AMBRA1: variants seen among roughly 807,000 people sequenced by gnomAD.
The protein encoded by AMBRA1 is autophagy and beclin 1 regulator 1.
A neutral mutation model predicts 125.4 loss-of-function variants in AMBRA1; 47 were observed. The observed-to-expected ratio is 0.37, with a 90% CI of 0.30 to 0.48. AMBRA1 has a LOEUF of 0.48. Among genes scored for constraint, AMBRA1 ranks in the 20% least tolerant of loss-of-function variants. The pLI, the probability that AMBRA1 is intolerant of heterozygous loss-of-function variation, is 0.99. For synonymous variants in AMBRA1, 626 were observed against 655.5 expected (o/e 0.95, Z 0.69); for missense variants, 1,331 against 1,693.4 (o/e 0.79, Z 3.76).
chr11:46,462,165 AG>A (rs1949120589), intron 11 of AMBRA1, among the ~76,000 whole-genome samples: 5 of 151,762 alleles, frequency 3.3e-5, no homozygotes, highest in African/African-American at 1.2e-4. Context: ...TGCATCTCCC[AG>A]AAAACCCTGG....
intron 6 of AMBRA1, among the ~76,000 whole-genome samples, 154 bp from the exon 7 acceptor site, chr11:46,543,552 G>A (rs1468653407): frequency 2.0e-5 from 3 of 152,146 alleles, no homozygotes; most frequent in East Asian, 3.8e-4. Context: ...ACTGACAACT[G>A]GCCTCAGATT....
rs570879237 is a variant in AMBRA1 at position 46,529,829 on chromosome 11, A to T, written c.2072+12116T>A. On this transcript the variant is annotated intron_variant, in intron 7 of 17. Transcript: ENST00000683756. ...ATTTTGCAATATCTTGGTTAATGTA[A>T]CAATAGGCCCACCCATGAAAGCAAA... is the stretch of plus-strand genomic sequence containing the variant. Among the ~76,000 whole-genome samples, 51 of 152,232 alleles carry T rather than the reference A, an allele frequency of 3.4e-4. 1 individual carries two copies. The highest frequency in any genetic ancestry group is 6.9e-4 in the Non-Finnish European group (47 of 68,044).
At chr11:46,545,880 G>A (rs1952992160) in intron 4 of AMBRA1, 104 bp from the exon 5 acceptor site, 5 of 1,087,352 alleles carry the variant, frequency 4.6e-6, no homozygotes, top group Non-Finnish European at 6.6e-6. Flanking sequence ...CTATGTCTAG[G>A]GACTACTTTA....
chr11:46,462,398 T>C (rs61882712), intron 11 of AMBRA1, among the ~76,000 whole-genome samples: 21,045 of 152,188 alleles, frequency 0.14, 1,544 homozygotes, highest in Non-Finnish European at 0.17. Flanking sequence ...TCTTCCTCTT[T>C]ACTCTCCTCA....
chr11:46,486,344 C>T (rs1950265320), intron 11 of AMBRA1, among the ~76,000 whole-genome samples: 1 of 152,166 alleles, frequency 6.6e-6, no homozygotes, highest in African/African-American at 2.4e-5. Flanking sequence ...ATCACGATGG[C>T]CCTTAACTGC....
At position 46,543,069 on chromosome 11, in the gene AMBRA1, G is replaced by A; in HGVS notation, c.948C>T (p.Gly316=). The A allele has an allele frequency of 1.3e-6, 2 of 1,596,982 alleles. No homozygotes were observed. Among genetic ancestry groups the A allele is most frequent in the Non-Finnish European group, 1.7e-6 (2 of 1,178,798 alleles). Residue 316 remains glycine (G), a synonymous_variant, in exon 7 of 18, where the codon GGC becomes GGT. Coordinates refer to ENST00000683756, the MANE Select transcript of AMBRA1 (RefSeq NM_001387011.1). ...GILCLCSRCS[G]TRVPSLLPHQ... ...GTGGCAAGAGGGAAGGAACTCGAGT[G>A]CCAGAGCAGCGGCTGCAAAGGCACA...
At position 46,580,025 on chromosome 11, in the gene AMBRA1, T is replaced by C. The variant is rs116483398; in HGVS notation, c.-121+13803A>G. ...ACCACGCCCAGCCTACACATGTCAA[T>C]AATCAAAATACACAGACCATCTCCA... On this transcript the variant is annotated intron_variant, in intron 1 of 17. Transcript: ENST00000683756. 4.2e-3 allele frequency among the ~76,000 whole-genome samples: 638 copies of C among 152,318 alleles called. 3 individuals are homozygous for C. Among genetic ancestry groups the C allele is most frequent in the African/African-American group, 0.013 (536 of 41,566 alleles).
intron 11 of AMBRA1, among the ~76,000 whole-genome samples, chr11:46,474,837 C>T (rs2136895945): frequency 6.6e-6 from 1 of 152,132 alleles, no homozygotes; most frequent in Admixed American, 6.5e-5. Flanking sequence ...TCACTGAGGG[C>T]AGCTAACCCA....
intron 1 of AMBRA1, among the ~76,000 whole-genome samples, chr11:46,553,890 T>A (rs960947466): frequency 7.9e-5 from 12 of 152,146 alleles, no homozygotes; most frequent in African/African-American, 2.9e-4. Flanking sequence ...TGCATAAATA[T>A]GTACTGAAAA....
chr11:46,570,764 A>T (rs1354160055), intron 1 of AMBRA1, among the ~76,000 whole-genome samples: 1 of 152,168 alleles, frequency 6.6e-6, no homozygotes, highest in Non-Finnish European at 1.5e-5. Context: ...CAACAGAAAA[A>T]ATTCAAGACA....
intron 9 of AMBRA1, among the ~76,000 whole-genome samples, chr11:46,500,845 C>G (rs1389569750): frequency 6.6e-6 from 1 of 152,236 alleles, no homozygotes; most frequent in Non-Finnish European, 1.5e-5. Flanking sequence ...AATACTCTCT[C>G]CCTTTATACA....
intron 14 of AMBRA1, among the ~76,000 whole-genome samples, chr11:46,421,154 G>T (rs1322135457): frequency 2.6e-5 from 4 of 152,186 alleles, no homozygotes. Flanking sequence ...CCCAGCTTAG[G>T]TGAGACAAGG....
chr11:46,530,355 A>T (rs1952160524), intron 7 of AMBRA1, among the ~76,000 whole-genome samples: 1 of 152,200 alleles, frequency 6.6e-6, no homozygotes, highest in Non-Finnish European at 1.5e-5. Context: ...AGTAGGTGCT[A>T]GCATGACCTG....
chr11:46,544,730 ACC>A (rs1952919174), intron 5 of AMBRA1, among the ~76,000 whole-genome samples: 2 of 152,156 alleles, frequency 1.3e-5, no homozygotes, highest in Non-Finnish European at 2.9e-5. Flanking sequence ...GAGTCTAATG[ACC>A]CTGATCTCCA....
intron 1 of AMBRA1, chr11:46,591,216 T>C (rs1428088889): frequency 1.3e-5 from 2 of 152,218 alleles, no homozygotes; most frequent in African/African-American, 4.8e-5. Context: ...CAATTCCCAG[T>C]GGACAATGTT....
chr11:46,525,453 G>C (rs971147591), intron 7 of AMBRA1, among the ~76,000 whole-genome samples: 1 of 151,378 alleles, frequency 6.6e-6, no homozygotes, highest in African/African-American at 2.4e-5. Context: ...CAAAAACTTA[G>C]ATGTGTCAAG....
At chr11:46,497,323 A>G (rs1179554961) in intron 9 of AMBRA1, among the ~76,000 whole-genome samples, 1 of 152,206 alleles carries the variant, frequency 6.6e-6, no homozygotes, top group East Asian at 1.9e-4. Flanking sequence ...AGCTGGCTCA[A>G]ATACACGCAG....
chr11:46,410,634 G>A (rs553082131), intron 15 of AMBRA1, among the ~76,000 whole-genome samples: 3 of 152,310 alleles, frequency 2.0e-5, no homozygotes, highest in Admixed American at 6.5e-5. Flanking sequence ...GCTCCTCCTC[G>A]GAGCTAAGAG....
At chr11:46,526,337 CCACA>C (rs1198700666) in intron 7 of AMBRA1, among the ~76,000 whole-genome samples, 1 of 151,932 alleles carries the variant, frequency 6.6e-6, no homozygotes, top group African/African-American at 2.4e-5. Flanking sequence ...TGGTCCCCTC[CCACA>C]CTGAATCTAG....
Sources: gnomAD v4.1 joint callset for allele counts (sites outside exome capture counted in the v4.1 genomes callset) on GRCh38, gnomAD v4.1.1 for gene constraint, MANE v1.5 for transcripts, NCBI Gene and HGNC (gene_info 2026-07-23, HGNC 2026-07-21) for gene names.